Variants in TRMT44 observed in about 807,000 individuals in gnomAD.
The protein encoded by TRMT44 is probable tRNA (uracil-O(2)-)-methyltransferase.
Under a neutral mutation model 77.3 loss-of-function variants are expected in TRMT44, and 78 were observed. That is an observed-to-expected ratio of 1.01 (90% confidence interval 0.84 to 1.22). TRMT44 has a LOEUF of 1.22. Among genes scored for constraint, TRMT44 ranks in the 50% most tolerant of loss-of-function variants. The pLI is 0.00. For missense variants in TRMT44, 1,090 were observed against 964.4 expected (o/e 1.13, Z -1.73); for synonymous variants, 391 against 383.3 (o/e 1.02, Z -0.23).
chr4:8,486,734 C>T (rs1266013383), intron 2 of TRMT44, among the ~76,000 whole-genome samples: 1 of 151,984 alleles, frequency 6.6e-6, no homozygotes, highest in African/African-American at 2.4e-5. Context: ...GCCTTTAGCT[C>T]CAGCCACCTT....
chr4:8,454,391 A>G (rs1725656200), intron 5 of TRMT44: 1 of 248,096 alleles, frequency 4.0e-6, no homozygotes, highest in Non-Finnish European at 7.8e-6. Flanking sequence ...ACACACTTGA[A>G]AAAGGGCACT....
chr4:8,514,380 A>C, the TRMT44 span, among the ~76,000 whole-genome samples: 1 of 149,414 alleles, frequency 6.7e-6, no homozygotes, highest in Non-Finnish European at 1.5e-5. Flanking sequence ...ATCTTGGCTC[A>C]CTGCAACCTC....
At position 8,452,352 on chromosome 4, in the gene TRMT44, T is replaced by G. The variant is rs1232840502; in HGVS notation, c.1023+324T>G. ...TGTCTTCCGGCCCTGGCCTAGAACC[T>G]TCTAGCCCTTTCCTCAGCTGGCTCG... On this transcript the variant is annotated intron_variant, in intron 4 of 10. Transcript: ENST00000389737. This position sits in a 1 kb window ranked among gnomAD's most constrained non-coding sequence, Gnocchi z 5.7. Among the ~76,000 whole-genome samples, 2 of 152,246 alleles carry G rather than the reference T, an allele frequency of 1.3e-5. No homozygotes were observed. Among genetic ancestry groups the G allele is most frequent in the East Asian group, 3.8e-4 (2 of 5,202 alleles).
rs566122982 is a variant in TRMT44 at position 8,486,087 on chromosome 4, C to T, written n.3891+6554C>T. ...ATCTGGGAAGGAGTCAGTCAGAGAG[C>T]CTTGGACCAGAGTTCCAGGGGCTCT... On this transcript the variant is annotated intron_variant and non_coding_transcript_variant, in intron 2 of 2. Coordinates refer to the TRMT44 transcript ENST00000511366. Among the ~76,000 whole-genome samples the T allele has an allele frequency of 4.6e-5, 7 of 152,282 alleles. No homozygotes were observed. In the East Asian group the frequency reaches 1.4e-3, roughly 29 times the overall value.
At chr4:8,471,233 CCTT>C in intron 10 of TRMT44, 33 bp downstream of exon 10, 7 of 1,347,698 alleles carry the variant, frequency 5.2e-6, no homozygotes, top group Non-Finnish European at 7.2e-6. Flanking sequence ...GCCGTTCTTT[CCTT>C]CTTTTTCCCC....
In TRMT44 at chr4:8,467,634, C is replaced by A. The variant is rs185802254; in HGVS notation, c.1495-280C>A. On this transcript the variant is annotated intron_variant, in intron 8 of 10. Coordinates refer to ENST00000389737, the MANE Select transcript of TRMT44 (RefSeq NM_152544.3). Reference sequence around the variant, plus strand: ...TAGCTGGGACTACAGGTGAGGGCCACCACGCCCGGCTAATTTTTGTATTTG... The same window carrying A: ...TAGCTGGGACTACAGGTGAGGGCCAACACGCCCGGCTAATTTTTGTATTTG... Among the ~76,000 whole-genome samples, 425 of 152,250 alleles carry A rather than the reference C, an allele frequency of 2.8e-3. 2 individuals are homozygous for A. The highest frequency in any genetic ancestry group is 9.6e-3 in the African/African-American group (397 of 41,528).
At chr4:8,501,940 G>T in the TRMT44 span, among the ~76,000 whole-genome samples, 1 of 152,226 alleles carries the variant, frequency 6.6e-6, no homozygotes, top group African/African-American at 2.4e-5. The surrounding 1 kb of genome is among the most constrained non-coding windows in gnomAD (Gnocchi z 4.4). Flanking sequence ...CCACTCTGGG[G>T]ACAGCTGGCT....
At chr4:8,503,015 G>A in the TRMT44 span, among the ~76,000 whole-genome samples, 1 of 152,204 alleles carries the variant, frequency 6.6e-6, no homozygotes, top group African/African-American at 2.4e-5. Flanking sequence ...CATGGGTTGA[G>A]GGGGCGTTCC....
At chr4:8,481,735 A>T (rs1727620398) in intron 2 of TRMT44, among the ~76,000 whole-genome samples, 2 of 152,232 alleles carry the variant, frequency 1.3e-5, no homozygotes, top group African/African-American at 4.8e-5. Flanking sequence ...AGGCCTACAC[A>T]GAGTCAGGAT....
rs1560236997 is a variant in TRMT44, at chr4:8,468,134, C to A, written c.1715C>A (p.Ala572Asp). 1 of 1,613,916 alleles carries A rather than the reference C, an allele frequency of 6.2e-7. No homozygotes were observed. Among genetic ancestry groups the A allele is most frequent in the Non-Finnish European group, 8.5e-7 (1 of 1,179,974 alleles). ...GTCGGGTGTGTAACCAGGGCCTGGG[C>A]CGCTGAGCATGGAGCAGGGCCCCAG... ...ARVGCVTRAWAAEHGAGPQAE... is the reference protein window; with the variant it reads ...ARVGCVTRAWDAEHGAGPQAE... Residue 572 changes from alanine to aspartate, a missense_variant, in exon 9 of 11, where the codon GCC (alanine) becomes GAC (aspartate). Transcript: ENST00000389737.
chr4:8,513,282 C>A, the TRMT44 span, among the ~76,000 whole-genome samples: 2 of 152,206 alleles, frequency 1.3e-5, no homozygotes, highest in African/African-American at 4.8e-5. Flanking sequence ...ACATGGCTGG[C>A]AGCAGGCAAA....
At chr4:8,473,602 TGGC>T (rs1182090874) in intron 10 of TRMT44, 2 of 152,432 alleles carry the variant, frequency 1.3e-5, no homozygotes, top group East Asian at 1.9e-4. Flanking sequence ...GTGGTGGAGA[TGGC>T]GGCTCCTGTG....
chr4:8,486,898 A>T (rs2109225213), intron 2 of TRMT44, among the ~76,000 whole-genome samples: 1 of 152,236 alleles, frequency 6.6e-6, no homozygotes, highest in Middle Eastern at 3.4e-3. Context: ...CCCGGCGAGG[A>T]GCAGCCCAGG....
At chr4:8,474,510 G>C (rs984135887) in intron 10 of TRMT44, among the ~76,000 whole-genome samples, 1 of 152,190 alleles carries the variant, frequency 6.6e-6, no homozygotes, top group Non-Finnish European at 1.5e-5. Flanking sequence ...CCGTTCTCTG[G>C]GCTCATTTCT....
rs1725452055 is a variant in TRMT44 at position 8,451,532 on chromosome 4, G to A, written c.955-428G>A. 6.6e-6 allele frequency among the ~76,000 whole-genome samples: 1 copy of A among 152,164 alleles called. No individual in the cohort carries two copies. The highest frequency in any genetic ancestry group is 1.5e-5 in the Non-Finnish European group (1 of 68,034). Reference sequence around the variant, plus strand: ...GGCTTTATCCCTGTTTGACAGGTAGGGCGACAGCAGCCACTGATGGACCAG... The same window carrying A: ...GGCTTTATCCCTGTTTGACAGGTAGAGCGACAGCAGCCACTGATGGACCAG... On this transcript the variant is annotated intron_variant, in intron 3 of 10. Coordinates refer to ENST00000389737, the MANE Select transcript of TRMT44 (RefSeq NM_152544.3). This position sits in a 1 kb window ranked among gnomAD's most constrained non-coding sequence, Gnocchi z 4.1.
At position 8,451,956 on chromosome 4, in the gene TRMT44, T is replaced by G; in HGVS notation, c.955-4T>G. Reference sequence around the variant, plus strand: ...ATTTATGTTTGCTCTTGAAACTGTTTTAGGTGTGGCCTGAAGTCACTGATC... The same window carrying G: ...ATTTATGTTTGCTCTTGAAACTGTTGTAGGTGTGGCCTGAAGTCACTGATC... On this transcript the variant is annotated splice_polypyrimidine_tract_variant and splice_region_variant and intron_variant, in intron 3 of 10. Coordinates refer to ENST00000389737, the MANE Select transcript of TRMT44 (RefSeq NM_152544.3). This position sits in a 1 kb window ranked among gnomAD's most constrained non-coding sequence, Gnocchi z 4.1. The G allele has an allele frequency of 6.5e-7, 1 of 1,536,630 alleles. No individual in the cohort carries two copies. The highest frequency in any genetic ancestry group is 8.7e-7 in the Non-Finnish European group (1 of 1,146,966).
intron 1 of TRMT44, among the ~76,000 whole-genome samples, chr4:8,443,082 C>T (rs1036002494): frequency 3.9e-5 from 6 of 152,216 alleles, no homozygotes; most frequent in Non-Finnish European, 7.3e-5. Flanking sequence ...TACATAGTCC[C>T]CTCTGATGGC....
intron 6 of TRMT44, among the ~76,000 whole-genome samples, chr4:8,462,718 C>T (rs143951032): frequency 6.6e-6 from 1 of 152,176 alleles, no homozygotes; most frequent in Non-Finnish European, 1.5e-5. Flanking sequence ...ACAACAACAA[C>T]AAAACAAAAC....
intron 2 of TRMT44, among the ~76,000 whole-genome samples, chr4:8,488,744 T>TTGTTTGTGG (rs1727898556): frequency 6.6e-6 from 1 of 152,216 alleles, no homozygotes; most frequent in Non-Finnish European, 1.5e-5. Flanking sequence ...GGTGCAGCCC[T>TTGTTTGTGG]AGATGCCATC....
Sources: allele counts gnomAD v4.1 joint callset (sites outside exome capture counted in the v4.1 genomes callset), GRCh38; gene constraint gnomAD v4.1.1; non-coding constraint Gnocchi (gnomAD v3.1); transcripts MANE v1.5; gene names NCBI Gene and HGNC (gene_info 2026-07-23, HGNC 2026-07-21).